Variants in PATJ observed in about 807,000 individuals in gnomAD.
The protein encoded by PATJ is inaD-like protein.
A neutral mutation model predicts 224.9 loss-of-function variants in PATJ; 190 were observed. The observed-to-expected ratio is 0.84, with a 90% CI of 0.75 to 0.95. PATJ has a LOEUF of 0.95. Ranked by LOEUF, PATJ falls within the 40% of genes least tolerant of loss-of-function variation. The pLI is 0.00. For missense variants in PATJ, 2,121 were observed against 2,270.3 expected (o/e 0.93, Z 1.34); for synonymous variants, 769 against 820.3 (o/e 0.94, Z 1.07).
At chr1:61,775,417 A>G (rs977655309) in intron 7 of PATJ, 83 bp downstream of exon 7, 1 of 1,202,140 alleles carries the variant, frequency 8.3e-7, no homozygotes, top group South Asian at 1.5e-5. Flanking sequence ...AACATGAGTT[A>G]CCAGGATATA....
At chr1:62,036,380 AC>A (rs1029687670) in intron 29 of PATJ, among the ~76,000 whole-genome samples, 6 of 152,036 alleles carry the variant, frequency 3.9e-5, no homozygotes, top group Admixed American at 3.9e-4. Context: ...TTCAAGAATG[AC>A]CCCTGTTTCC....
intron 28 of PATJ, among the ~76,000 whole-genome samples, chr1:62,013,894 T>G (rs1252367589): frequency 6.6e-6 from 1 of 152,002 alleles, no homozygotes; most frequent in Non-Finnish European, 1.5e-5. Flanking sequence ...ATGCCTCAGC[T>G]TCCCAAGTAG....
intron 31 of PATJ, among the ~76,000 whole-genome samples, chr1:62,078,270 T>C (rs1005187069): frequency 2.0e-5 from 3 of 152,022 alleles, no homozygotes; most frequent in African/African-American, 7.2e-5. Context: ...TTTTTCTTAG[T>C]GTATGTATGT....
At chr1:61,826,820 A>G (rs1256412861) in intron 15 of PATJ, among the ~76,000 whole-genome samples, 1 of 152,196 alleles carries the variant, frequency 6.6e-6, no homozygotes, top group Non-Finnish European at 1.5e-5. Context: ...GCAAAAGTAT[A>G]TTTCTTTTCA....
At chr1:61,959,044 G>A (rs568847243) in intron 27 of PATJ, among the ~76,000 whole-genome samples, 7 of 152,184 alleles carry the variant, frequency 4.6e-5, no homozygotes, top group Non-Finnish European at 8.8e-5. Flanking sequence ...AATGTGGGGA[G>A]GGGTATTTGG....
chr1:62,132,354 C>G (rs948011005), intron 41 of PATJ, among the ~76,000 whole-genome samples: 4 of 152,106 alleles, frequency 2.6e-5, no homozygotes, highest in Non-Finnish European at 4.4e-5. Flanking sequence ...AAAAAAGTAG[C>G]CGGATTGGCG....
chr1:62,161,109 T>TG lies in PATJ; in HGVS notation c.*56dup. Reference sequence around the variant, plus strand: ...GTTGTTTAGAATATCCACAGGCAGATGAAGTTCTGAGTGGGTATGAAAAGC... The same window carrying TG: ...GTTGTTTAGAATATCCACAGGCAGATGGAAGTTCTGAGTGGGTATGAAAAGC... On this transcript the variant is annotated 3_prime_UTR_variant, in exon 44 of 44. Coordinates refer to ENST00000642238, the MANE Select transcript of PATJ (RefSeq NM_001350145.3). 1 of 1,347,386 alleles carries TG rather than the reference T, an allele frequency of 7.4e-7. No homozygotes were observed. Among genetic ancestry groups the TG allele is most frequent in the Non-Finnish European group, 9.6e-7 (1 of 1,045,258 alleles). The allele number at this position is 1,347,386 out of a possible 1,614,324, so 83.5% of individuals were successfully genotyped here.
At chr1:61,945,787 T>G (rs1246028843) in intron 27 of PATJ, among the ~76,000 whole-genome samples, 1 of 152,184 alleles carries the variant, frequency 6.6e-6, no homozygotes, top group Middle Eastern at 3.2e-3. Context: ...CACATCGCAC[T>G]TATTCCAAAA....
chr1:61,879,957 G>A (rs1328587880), intron 21 of PATJ, among the ~76,000 whole-genome samples: 1 of 151,872 alleles, frequency 6.6e-6, no homozygotes, highest in Non-Finnish European at 1.5e-5. Context: ...TCCTGCCTCA[G>A]CCTCCTGAGT....
chr1:61,746,451 G>A (rs1403304158), intron 1 of PATJ, among the ~76,000 whole-genome samples: 1 of 152,148 alleles, frequency 6.6e-6, no homozygotes, highest in Non-Finnish European at 1.5e-5. Flanking sequence ...GGGAGAAAAA[G>A]GAGCGAATGA....
chr1:61,935,786 G>C (rs1409086313), intron 27 of PATJ, among the ~76,000 whole-genome samples: 1 of 149,508 alleles, frequency 6.7e-6, no homozygotes, highest in Non-Finnish European at 1.5e-5. Context: ...GTGAGACCCT[G>C]TCTGAAAAAA....
At chr1:61,911,706 T>TATATATATAC in intron 25 of PATJ, among the ~76,000 whole-genome samples, 1 of 147,152 alleles carries the variant, frequency 6.8e-6, no homozygotes, top group Admixed American at 6.8e-5. Context: ...TATATATATA[T>TATATATATAC]ATATATATAT....
chr1:61,814,551 C>CGCGCGCGCGCGT (rs1655698091), intron 14 of PATJ, among the ~76,000 whole-genome samples: 1 of 118,202 alleles, frequency 8.5e-6, no homozygotes, highest in African/African-American at 4.0e-5. Flanking sequence ...TGTGTGTGCG[C>CGCGCGCGCGCGT]GCGCGCGCGC....
intron 27 of PATJ, among the ~76,000 whole-genome samples, chr1:61,973,501 A>G (rs1370682940): frequency 6.6e-6 from 1 of 152,030 alleles, no homozygotes; most frequent in Non-Finnish European, 1.5e-5. Flanking sequence ...GTTTCCTTTA[A>G]TTACTGAAAA....
chr1:61,909,742 G>A (rs935727267), intron 25 of PATJ, among the ~76,000 whole-genome samples: 2 of 152,072 alleles, frequency 1.3e-5, no homozygotes, highest in Non-Finnish European at 2.9e-5. Flanking sequence ...ATATAGTTTT[G>A]TAGTGCATTC....
At chr1:61,950,144 C>T (rs758530580) in intron 27 of PATJ, among the ~76,000 whole-genome samples, 3 of 152,126 alleles carry the variant, frequency 2.0e-5, no homozygotes, top group Non-Finnish European at 4.4e-5. Context: ...GCGGAGGTTG[C>T]GGTGAGCCGA....
chr1:61,799,243 A>AGTGCAATG (rs1192408928), intron 11 of PATJ, among the ~76,000 whole-genome samples: 15 of 152,240 alleles, frequency 9.9e-5, no homozygotes, highest in African/African-American at 3.1e-4. Context: ...CCCAGACTGG[A>AGTGCAATG]GTGCAATGGC....
chr1:61,887,059 A>G (rs1668989292), intron 22 of PATJ, among the ~76,000 whole-genome samples: 1 of 151,832 alleles, frequency 6.6e-6, no homozygotes, highest in African/African-American at 2.4e-5. Flanking sequence ...ATATGTGTAT[A>G]TATATAATGT....
At chr1:61,991,671 G>T (rs1558004757) in intron 28 of PATJ, 1 of 984,896 alleles carries the variant, frequency 1.0e-6, no homozygotes, top group African/African-American at 1.7e-5. Context: ...TTCTTTTCTT[G>T]TTCTTTTATA....
Sources: allele counts gnomAD v4.1 joint callset (sites outside exome capture counted in the v4.1 genomes callset), GRCh38; gene constraint gnomAD v4.1.1; transcripts MANE v1.5; gene names NCBI Gene and HGNC (gene_info 2026-07-23, HGNC 2026-07-21).